The following ACTN2 variants were observed in gnomAD, a reference collection of about 807,000 sequenced individuals.
The protein encoded by ACTN2 is actinin alpha 2, also known as alpha-actinin-2.
ACTN2 carries 39 observed loss-of-function variants against 113.8 expected under a neutral mutation model. The observed-to-expected ratio is 0.34, with a 90% CI of 0.27 to 0.45. The LOEUF (loss-of-function observed/expected upper bound fraction) is 0.45. Ranked by LOEUF, ACTN2 falls within the 20% of genes least tolerant of loss-of-function variation. The pLI is 1.00. For missense variants in ACTN2, 992 were observed against 1,177.9 expected (o/e 0.84, Z 2.31); for synonymous variants, 429 against 444.1 (o/e 0.97, Z 0.43).
At position 236,698,224 on chromosome 1, in the gene ACTN2, T is replaced by A. The variant is rs200926224; in HGVS notation, c.126+11425T>A. 4.2e-3 allele frequency among the ~76,000 whole-genome samples: 613 copies of A among 147,422 alleles called. 3 individuals are homozygous for A. Among genetic ancestry groups the A allele is most frequent in the Admixed American group, 8.7e-3 (129 of 14,896 alleles). ...TTTATTGAACATTTGTAAGATGCCT[T>A]AAAAAAAAAAAACATGATGTAGAAT... On this transcript the variant is annotated intron_variant, in intron 1 of 20. Transcript: ENST00000366578.
chr1:236,709,267 C>G (rs1207973422), intron 1 of ACTN2, among the ~76,000 whole-genome samples: 2 of 127,770 alleles, frequency 1.6e-5, no homozygotes, highest in Non-Finnish European at 3.2e-5. Flanking sequence ...CACACACACA[C>G]ACACATATAT....
chr1:236,716,835 ATTTT>A (rs36142948), intron 1 of ACTN2, among the ~76,000 whole-genome samples: 2 of 116,324 alleles, frequency 1.7e-5, no homozygotes, highest in Non-Finnish European at 3.3e-5. Context: ...CATTTTGAAC[ATTTT>A]TTTTTTTTTT....
At chr1:236,724,049 CT>C (rs1658475254) in intron 4 of ACTN2, among the ~76,000 whole-genome samples, 1 of 152,174 alleles carries the variant, frequency 6.6e-6, no homozygotes, top group Admixed American at 6.5e-5. Flanking sequence ...GCATGGATGG[CT>C]TAAACAGCCG....
At chr1:236,761,194 T>G (rs369767310) in intron 20 of ACTN2, 21 bp downstream of exon 20, 89 of 1,613,952 alleles carry the variant, frequency 5.5e-5, no homozygotes, top group Non-Finnish European at 1.1e-5. Context: ...ACAGATTTCC[T>G]TCTGCTTTAG....
intron 1 of ACTN2, among the ~76,000 whole-genome samples, chr1:236,706,034 A>C (rs763446711): frequency 6.6e-6 from 1 of 152,168 alleles, no homozygotes; most frequent in Non-Finnish European, 1.5e-5. Flanking sequence ...CTCCACTTAA[A>C]GTGTCATCCA....
chr1:236,735,089 T>C (rs1488110286), intron 7 of ACTN2, among the ~76,000 whole-genome samples: 5 of 152,236 alleles, frequency 3.3e-5, no homozygotes, highest in Non-Finnish European at 7.3e-5. Context: ...ATTGAAGTTA[T>C]TAAAAGAGCT....
intron 1 of ACTN2, among the ~76,000 whole-genome samples, chr1:236,699,718 G>T (rs1277967033): frequency 2.6e-5 from 4 of 152,200 alleles, no homozygotes; most frequent in South Asian, 4.2e-4. Flanking sequence ...GCAGTACTGA[G>T]AACTCACTTT....
At chr1:236,697,728 A>C (rs910462962) in intron 1 of ACTN2, among the ~76,000 whole-genome samples, 1 of 151,516 alleles carries the variant, frequency 6.6e-6, no homozygotes, top group African/African-American at 2.4e-5. Flanking sequence ...GGTGCTGTGG[A>C]ATGCAATATC....
chr1:236,763,687 G>A lies in ACTN2; in HGVS notation c.*1068G>A, dbSNP rs1384651284. ...AGCTTTACATATGTTTTGTGTAGTAGGAATAACTAGATATTTTAGCTAGTG... is the reference window on the plus strand; with the variant it reads ...AGCTTTACATATGTTTTGTGTAGTAAGAATAACTAGATATTTTAGCTAGTG... On this transcript the variant is annotated 3_prime_UTR_variant, in exon 21 of 21. Coordinates refer to ENST00000366578, the MANE Select transcript of ACTN2 (RefSeq NM_001103.4). 6.6e-6 allele frequency: 1 copy of A among 152,186 alleles called. No individual in the cohort carries two copies. The highest frequency in any genetic ancestry group is 1.5e-5 in the Non-Finnish European group (1 of 68,046). The allele number at this position is 152,186 out of a possible 1,614,324, so 9.4% of individuals were successfully genotyped here.
At chr1:236,716,255 T>C (rs546212791) in intron 1 of ACTN2, among the ~76,000 whole-genome samples, 126 of 152,242 alleles carry the variant, frequency 8.3e-4, no homozygotes, top group African/African-American at 2.9e-3. Flanking sequence ...AGCAGCCTGT[T>C]TTTGATAGGT....
At chr1:236,753,923 CTTG>C (rs778057736) in intron 15 of ACTN2, 21 bp from the exon 16 acceptor site, 22 of 1,612,066 alleles carry the variant, frequency 1.4e-5, no homozygotes, top group East Asian at 2.2e-5. Context: ...GCCTCTAACC[CTTG>C]TTGTCCTTGG....
chr1:236,701,217 T>C (rs906753816), intron 1 of ACTN2, among the ~76,000 whole-genome samples: 1 of 152,184 alleles, frequency 6.6e-6, no homozygotes, highest in Non-Finnish European at 1.5e-5. Context: ...GGCAGCCTCA[T>C]GGAAGGTTAA....
intron 7 of ACTN2, chr1:236,734,608 C>G: frequency 1.1e-6 from 1 of 944,218 alleles, no homozygotes; most frequent in Non-Finnish European, 1.6e-6. Context: ...TCCCCCCTCT[C>G]CTCCGAGTAA....
intron 1 of ACTN2, among the ~76,000 whole-genome samples, chr1:236,687,200 A>C (rs1665905759): frequency 6.6e-6 from 1 of 152,092 alleles, no homozygotes; most frequent in Non-Finnish European, 1.5e-5. Context: ...GAAGCAAAAG[A>C]ACATCAGCTT....
At chr1:236,752,503 G>A (rs535644704) in intron 15 of ACTN2, among the ~76,000 whole-genome samples, 91 of 149,938 alleles carry the variant, frequency 6.1e-4, no homozygotes, top group Non-Finnish European at 6.4e-4. Context: ...GTTTTCTTGC[G>A]GGGGTGGGGG....
rs757588593 is a variant in ACTN2 at position 236,744,713 on chromosome 1, A to C, written c.1343A>C (p.Glu448Ala). Residue 448 changes from glutamate (E) to alanine (A), a missense_variant, in exon 12 of 21, where the codon GAG becomes GCG. Glu to Ala is a moderately radical substitution (Grantham distance 107). This residue lies in a region of ACTN2 where 736 missense variants were observed against 815.4 expected (regional missense o/e 0.90). Transcript: ENST00000366578. ...RALLRKHEAF[E>A]SDLAAHQDRV... Reference sequence around the variant, plus strand: ...CTGCTGCGGAAGCACGAGGCGTTCGAGAGCGACCTGGCAGCGCACCAGGAC... The same window carrying C: ...CTGCTGCGGAAGCACGAGGCGTTCGCGAGCGACCTGGCAGCGCACCAGGAC... The C allele has an allele frequency of 6.2e-7, 1 of 1,614,188 alleles. No individual in the cohort carries two copies. Among genetic ancestry groups the C allele is most frequent in the East Asian group, 2.2e-5 (1 of 44,868 alleles).
Position 236,742,992 on chromosome 1 carries a change from C to G in ACTN2, c.1204C>G (p.Leu402Val), listed in dbSNP as rs1304791812. The change falls in exon 11 of 21, where the codon CTG becomes GTG. Residue 402 changes from leucine to valine, a missense_variant. This residue lies in a region of ACTN2 where 736 missense variants were observed against 815.4 expected (regional missense o/e 0.90). Transcript: ENST00000366578. ...EIRRLERLEH[L>V]AEKFRQKAST... The stretch of plus-strand genomic sequence containing the variant: ...TCGGAGACTGGAGCGCTTGGAACAC[C>G]TGGCTGAGAAGTTCAGGCAGAAGGC... The G allele has an allele frequency of 6.2e-7, 1 of 1,614,132 alleles. No individual in the cohort carries two copies. The highest frequency in any genetic ancestry group is 8.5e-7 in the Non-Finnish European group (1 of 1,180,032).
chr1:236,757,366 G>C, intron 17 of ACTN2, 120 bp from the exon 18 acceptor site: 1 of 1,282,774 alleles, frequency 7.8e-7, no homozygotes. Context: ...GTGTGGGGAA[G>C]GCTATCATGA....
At chr1:236,735,454 G>A (rs1438476650) in intron 7 of ACTN2, among the ~76,000 whole-genome samples, 181 bp from the exon 8 acceptor site, 2 of 152,124 alleles carry the variant, frequency 1.3e-5, no homozygotes, top group Non-Finnish European at 2.9e-5. Context: ...TCCTGTTCAC[G>A]AATCATTTCG....
Sources: allele counts gnomAD v4.1 joint callset (sites outside exome capture counted in the v4.1 genomes callset), GRCh38; gene constraint gnomAD v4.1.1; regional missense constraint gnomAD v4.1.1; transcripts MANE v1.5; gene names NCBI Gene and HGNC (gene_info 2026-07-23, HGNC 2026-07-21).